Variants in RGS6 observed in about 807,000 individuals in gnomAD.
The protein encoded by RGS6 is regulator of G protein signaling 6, also known as regulator of G-protein signaling 6.
Under a neutral mutation model 78.5 loss-of-function variants are expected in RGS6, and 30 were observed. That is an observed-to-expected ratio of 0.38 (90% CI 0.29 to 0.52). The LOEUF (loss-of-function observed/expected upper bound fraction) is 0.52. RGS6 is among the 20% of genes least tolerant of loss of function. RGS6 has a pLI of 0.85. For missense variants in RGS6, 495 were observed against 609.7 expected, an observed-to-expected ratio of 0.81 and a Z score of 1.98; for synonymous variants, 206 against 206.0, an observed-to-expected ratio of 1.00 and a Z score of 0.00.
At chr14:72,610,717 TG>T in the RGS6 span, among the ~76,000 whole-genome samples, 3 of 152,114 alleles carry the variant, frequency 2.0e-5, no homozygotes. Flanking sequence ...CAAGGGCAGG[TG>T]GGAGATGGAG....
intron 3 of RGS6, among the ~76,000 whole-genome samples, chr14:72,411,895 C>G (rs900624447): frequency 6.6e-6 from 1 of 152,166 alleles, no homozygotes; most frequent in Non-Finnish European, 1.5e-5. Context: ...GTTGAACCAG[C>G]CTTGCCTCCC....
At chr14:72,043,404 C>A (rs530900434) in intron 2 of RGS6, among the ~76,000 whole-genome samples, 1 of 152,128 alleles carries the variant, frequency 6.6e-6, no homozygotes, top group Non-Finnish European at 1.5e-5. Context: ...CCTCTTTTAA[C>A]ATTTTTTTGA....
At chr14:72,422,524 G>A (rs942407424) in intron 3 of RGS6, among the ~76,000 whole-genome samples, 7 of 152,096 alleles carry the variant, frequency 4.6e-5, no homozygotes, top group African/African-American at 7.2e-5. Context: ...AAGAAGTCTC[G>A]CTTTTTTTGT....
chr14:71,976,415 C>G (rs1421834285), intron 2 of RGS6, among the ~76,000 whole-genome samples: 1 of 132,136 alleles, frequency 7.6e-6, no homozygotes, highest in Non-Finnish European at 1.6e-5. Flanking sequence ...TCCCCCCTCC[C>G]CCCACCCCAC....
At chr14:72,017,584 A>G (rs1256827951) in intron 2 of RGS6, among the ~76,000 whole-genome samples, 1 of 152,182 alleles carries the variant, frequency 6.6e-6, no homozygotes, top group Non-Finnish European at 1.5e-5. Context: ...TGCAAAGCCT[A>G]AATACCTGCC....
chr14:72,359,933 A>T (rs1417286334), intron 3 of RGS6, among the ~76,000 whole-genome samples: 3 of 152,148 alleles, frequency 2.0e-5, no homozygotes, highest in Non-Finnish European at 4.4e-5. Context: ...TGAGATGAGG[A>T]GAGTGATTCG....
intron 2 of RGS6, among the ~76,000 whole-genome samples, chr14:72,277,533 G>T (rs2060876820): frequency 1.3e-5 from 2 of 152,010 alleles, no homozygotes; most frequent in Admixed American, 6.6e-5. Flanking sequence ...GGCATCAAAA[G>T]TTGCAGTGAG....
the RGS6 span, among the ~76,000 whole-genome samples, chr14:72,611,921 C>G: frequency 6.6e-6 from 1 of 152,136 alleles, no homozygotes; most frequent in Non-Finnish European, 1.5e-5. Context: ...GATACTTGAC[C>G]TACAATCACG....
chr14:72,390,286 C>T (rs539219939), intron 3 of RGS6, among the ~76,000 whole-genome samples: 1 of 151,896 alleles, frequency 6.6e-6, no homozygotes, highest in African/African-American at 2.4e-5. Flanking sequence ...TTAGTAGAGA[C>T]GGGGTTTTGC....
intron 2 of RGS6, among the ~76,000 whole-genome samples, chr14:71,974,072 A>G (rs919078415): frequency 3.9e-5 from 6 of 152,106 alleles, no homozygotes; most frequent in African/African-American, 1.2e-4. Context: ...TTTCATTTCA[A>G]GGAGTCTAAG....
intron 2 of RGS6, among the ~76,000 whole-genome samples, chr14:72,310,699 A>G (rs1216257712): frequency 5.3e-5 from 8 of 152,108 alleles, no homozygotes; most frequent in African/African-American, 1.9e-4. Context: ...CTTGGAAATG[A>G]CTGTCCACCT....
chr14:72,399,184 C>G (rs2091974283), intron 3 of RGS6, among the ~76,000 whole-genome samples: 1 of 147,186 alleles, frequency 6.8e-6, no homozygotes. Context: ...TTGTAGGTCA[C>G]TAAGGGCTTG....
intron 14 of RGS6, among the ~76,000 whole-genome samples, chr14:72,510,996 G>T (rs2096871674): frequency 6.6e-6 from 1 of 152,176 alleles, no homozygotes; most frequent in African/African-American, 2.4e-5. Context: ...GGAAGAAAAG[G>T]GGGTGAATTG....
the RGS6 span, among the ~76,000 whole-genome samples, chr14:72,589,043 G>A: frequency 6.6e-6 from 1 of 152,094 alleles, no homozygotes; most frequent in Non-Finnish European, 1.5e-5. Flanking sequence ...CAAAAGACAT[G>A]AATAAACCAT....
chr14:72,333,766 G>GTCATACTTCCCAAAACCCTC (rs371251870), intron 2 of RGS6, among the ~76,000 whole-genome samples: 209 of 152,208 alleles, frequency 1.4e-3, no homozygotes, highest in African/African-American at 4.8e-3. Flanking sequence ...CACCTTTGTT[G>GTCATACTTCCCAAAACCCTC]TCATACTTCC....
At chr14:72,275,815 A>G (rs2060579536) in intron 2 of RGS6, among the ~76,000 whole-genome samples, 1 of 152,184 alleles carries the variant, frequency 6.6e-6, no homozygotes, top group African/African-American at 2.4e-5. Context: ...GAAAATTATA[A>G]CCAAAGTGTA....
chr14:72,352,161 A>G lies in RGS6; in HGVS notation c.151A>G (p.Ser51Gly). The G allele has an allele frequency of 6.2e-7, 1 of 1,613,472 alleles. No individual in the cohort carries two copies. Among genetic ancestry groups the G allele is most frequent in the Non-Finnish European group, 8.5e-7 (1 of 1,179,704 alleles). Residue 51 changes from serine (S) to glycine (G), a missense_variant, in exon 3 of 18, where the codon AGC becomes GGC. Ser to Gly is a moderately conservative substitution (Grantham distance 56). Coordinates refer to ENST00000553525, the MANE Select transcript of RGS6 (RefSeq NM_001204424.2). ...GGGTGTGCCCATCAGAACAGTCAAG[A>G]GCTTTCTCTCCAAAATCCCCAGTGT... The part of the protein sequence containing the change: ...TGGVPIRTVK[S>G]FLSKIPSVVT...
intron 2 of RGS6, among the ~76,000 whole-genome samples, chr14:72,065,818 A>G (rs547675278): frequency 9.2e-5 from 14 of 151,888 alleles, no homozygotes; most frequent in Non-Finnish European, 1.6e-4. Flanking sequence ...CATGTGCACA[A>G]TGTGCAGGTT....
chr14:72,535,114 T>A (rs1414482675), intron 15 of RGS6, among the ~76,000 whole-genome samples: 3 of 152,226 alleles, frequency 2.0e-5, no homozygotes, highest in African/African-American at 4.8e-5. Flanking sequence ...GGACCAGGAT[T>A]TTCCAACCCT....
Sources: gnomAD v4.1 joint callset for allele counts (sites outside exome capture counted in the v4.1 genomes callset) on GRCh38, gnomAD v4.1.1 for gene constraint, MANE v1.5 for transcripts, NCBI Gene and HGNC (gene_info 2026-07-23, HGNC 2026-07-21) for gene names.